STARD13: variants seen among roughly 807,000 people sequenced by gnomAD.
STARD13 encodes the protein StAR related lipid transfer domain containing 13.
In STARD13, 62 loss-of-function variants were observed where a neutral mutation model predicts 106.4. The ratio of observed to expected loss-of-function variants is 0.58; its 90% CI spans 0.48 to 0.72. The LOEUF (loss-of-function observed/expected upper bound fraction) is 0.72. Among genes scored for constraint, STARD13 ranks in the 30% least tolerant of loss-of-function variants. The pLI, the probability that STARD13 is intolerant of heterozygous loss-of-function variation, is 0.00. For missense variants in STARD13, 1,387 were observed against 1,424.0 expected (o/e 0.97, Z 0.42); for synonymous variants, 565 against 553.0 (o/e 1.02, Z -0.31).
At chr13:33,650,483 C>T in the STARD13 span, among the ~76,000 whole-genome samples, 1 of 152,024 alleles carries the variant, frequency 6.6e-6, no homozygotes, top group African/African-American at 2.4e-5. Flanking sequence ...AGCCACCGCG[C>T]CCGGCCGACT....
chr13:33,657,570 T>G, the STARD13 span: 1 of 152,238 alleles, frequency 6.6e-6, no homozygotes, highest in Non-Finnish European at 1.5e-5. Context: ...TTTCCTGAAC[T>G]TAGGGACATG....
intron 1 of STARD13, among the ~76,000 whole-genome samples, chr13:33,263,453 C>T (rs1485321022): frequency 6.6e-6 from 1 of 152,140 alleles, no homozygotes; most frequent in Non-Finnish European, 1.5e-5. Context: ...AATGAGAGAA[C>T]TTTTGGTGGA....
At chr13:33,145,803 T>G (rs1162512956) in intron 3 of STARD13, among the ~76,000 whole-genome samples, 2 of 152,120 alleles carry the variant, frequency 1.3e-5, no homozygotes, top group African/African-American at 4.8e-5. Flanking sequence ...ATCAAAAAAA[T>G]TTCAGGCAAG....
At chr13:33,446,233 G>A in the STARD13 span, among the ~76,000 whole-genome samples, 2 of 151,928 alleles carry the variant, frequency 1.3e-5, no homozygotes, top group Admixed American at 6.5e-5. Flanking sequence ...TGCAAGCATG[G>A]CCTTGCAGGA....
At chr13:33,627,170 T>C in the STARD13 span, among the ~76,000 whole-genome samples, 1 of 152,214 alleles carries the variant, frequency 6.6e-6, no homozygotes. Context: ...AGTAGCAGAA[T>C]TAGTGATATT....
intron 1 of STARD13, among the ~76,000 whole-genome samples, chr13:33,339,216 C>T (rs563501849): frequency 6.6e-6 from 1 of 152,246 alleles, no homozygotes; most frequent in South Asian, 2.1e-4. Flanking sequence ...GCCCAAGGGC[C>T]CACTGGTTTA....
At chr13:33,304,569 C>G (rs1016117740) in intron 1 of STARD13, among the ~76,000 whole-genome samples, 1 of 152,118 alleles carries the variant, frequency 6.6e-6, no homozygotes, top group Non-Finnish European at 1.5e-5. Flanking sequence ...ATCTCTGAAT[C>G]AAAGAATTCT....
the STARD13 span, among the ~76,000 whole-genome samples, chr13:33,401,148 C>G: frequency 6.6e-6 from 1 of 152,208 alleles, no homozygotes; most frequent in African/African-American, 2.4e-5. Context: ...TCTCAGTGAA[C>G]AGTAACTATT....
At chr13:33,672,973 T>C in the STARD13 span, among the ~76,000 whole-genome samples, 18 of 152,242 alleles carry the variant, frequency 1.2e-4, no homozygotes, top group African/African-American at 4.1e-4. Flanking sequence ...TATTTTAGAA[T>C]ATTGCCAATT....
chr13:33,151,504 A>G (rs75192772), intron 3 of STARD13, among the ~76,000 whole-genome samples: 2,667 of 152,316 alleles, frequency 0.018, 84 homozygotes, highest in African/African-American at 0.059. Flanking sequence ...TAAACCTTTC[A>G]TGAGGGATCT....
chr13:33,428,459 G>A, the STARD13 span, among the ~76,000 whole-genome samples: 14 of 151,996 alleles, frequency 9.2e-5, no homozygotes, highest in Admixed American at 2.0e-4. Context: ...AAAGGAACTC[G>A]AAAAACTCAA....
chr13:33,528,257 C>CATATATATGTATATGTGTATATATATAT, the STARD13 span, among the ~76,000 whole-genome samples: 13 of 92,928 alleles, frequency 1.4e-4, no homozygotes, highest in African/African-American at 8.5e-4. Flanking sequence ...TATATATATA[C>CATATATATGTATATGTGTATATATATAT]ATATATATAT....
At chr13:33,547,046 AAATAT>A in the STARD13 span, among the ~76,000 whole-genome samples, 18 of 152,352 alleles carry the variant, frequency 1.2e-4, 1 homozygote, top group African/African-American at 4.3e-4. Context: ...GAAAAAGTGA[AAATAT>A]AATAGTACAT....
the STARD13 span, among the ~76,000 whole-genome samples, chr13:33,402,892 C>G: frequency 1.3e-5 from 2 of 152,372 alleles, no homozygotes; most frequent in Admixed American, 1.3e-4. Flanking sequence ...AGAGCCACTT[C>G]CACCACTCAA....
At chr13:33,519,268 CTTT>C in the STARD13 span, among the ~76,000 whole-genome samples, 2 of 140,968 alleles carry the variant, frequency 1.4e-5, no homozygotes, top group African/African-American at 5.4e-5. Context: ...TTCTTTCTTT[CTTT>C]CTTTTCTTTC....
At chr13:33,325,876 T>C (rs543109011) in intron 1 of STARD13, among the ~76,000 whole-genome samples, 2 of 151,134 alleles carry the variant, frequency 1.3e-5, no homozygotes, top group Admixed American at 1.3e-4. Context: ...TCCCAGCTAC[T>C]TGGGAGACTG....
chr13:33,138,674 G>A (rs560267761), intron 4 of STARD13: 1 of 297,668 alleles, frequency 3.4e-6, no homozygotes, highest in South Asian at 2.9e-5. Context: ...GGGCCGCTGG[G>A]AATGCCGCGG....
chr13:33,479,430 C>T, the STARD13 span, among the ~76,000 whole-genome samples: 33,458 of 152,106 alleles, frequency 0.22, 6,805 homozygotes, highest in African/African-American at 0.54. Flanking sequence ...CATACTACAT[C>T]GTGGCATTAT....
the STARD13 span, among the ~76,000 whole-genome samples, chr13:33,569,492 G>A: frequency 1.4e-5 from 2 of 147,488 alleles, no homozygotes; most frequent in Non-Finnish European, 3.0e-5. Flanking sequence ...TCAATTGTGA[G>A]ATCAATCTTT....
Sources: gnomAD v4.1 joint callset for allele counts (sites outside exome capture counted in the v4.1 genomes callset) on GRCh38, gnomAD v4.1.1 for gene constraint, MANE v1.5 for transcripts, NCBI Gene and HGNC (gene_info 2026-07-23, HGNC 2026-07-21) for gene names.